The following PPP1R37 variants were observed in gnomAD, a reference collection of about 807,000 sequenced individuals.
The protein encoded by PPP1R37 is protein phosphatase 1 regulatory subunit 37.
PPP1R37 carries 21 observed loss-of-function variants against 61.0 expected under a neutral mutation model. The observed-to-expected ratio is 0.34, with a 90% CI of 0.24 to 0.50. PPP1R37 has a LOEUF of 0.50. Ranked by LOEUF, PPP1R37 falls within the 20% of genes least tolerant of loss-of-function variation. The probability of loss-of-function intolerance (pLI) is 0.98; values close to 1 mark genes in which losing one functional copy is unlikely to be tolerated. For missense variants in PPP1R37, 910 were observed against 952.7 expected (o/e 0.96, Z 0.59); for synonymous variants, 443 against 433.5 (o/e 1.02, Z -0.27).
chr19:45,131,174 C>T (rs1968472245), intron 1 of PPP1R37, among the ~76,000 whole-genome samples: 1 of 152,204 alleles, frequency 6.6e-6, no homozygotes, highest in Non-Finnish European at 1.5e-5. Flanking sequence ...GGGCCACAGC[C>T]GGCGGGAGTG....
At chr19:45,141,645 C>T (rs1173337631) in intron 5 of PPP1R37, among the ~76,000 whole-genome samples, 2 of 152,346 alleles carry the variant, frequency 1.3e-5, no homozygotes, top group Middle Eastern at 3.4e-3. Flanking sequence ...TCTCTCCTTG[C>T]GAGGCATTTC....
At chr19:45,109,323 T>C (rs995628570) in intron 1 of PPP1R37, among the ~76,000 whole-genome samples, 1 of 152,164 alleles carries the variant, frequency 6.6e-6, no homozygotes, top group African/African-American at 2.4e-5. Flanking sequence ...CCCATCTCAG[T>C]GTGAACAGCT....
Position 45,144,973 on chromosome 19 carries a change from C to T in PPP1R37, c.1107C>T (p.Ala369=). ...SNRSVLRLGL[A]STKLTCEGAV... ...GCAGCGTGCTGCGCCTCGGGCTGGC[C>T]TCCACCAAGCTCACGTGCGAGGGTA... Residue 369 remains alanine (A), a synonymous_variant, in exon 9 of 13, where the codon GCC becomes GCT. Coordinates refer to ENST00000221462, the MANE Select transcript of PPP1R37 (RefSeq NM_019121.2). 2 of 1,535,136 alleles carry T rather than the reference C, an allele frequency of 1.3e-6. No individual in the cohort carries two copies. The highest frequency in any genetic ancestry group is 1.7e-6 in the Non-Finnish European group (2 of 1,146,476).
At chr19:45,097,828 C>T (rs767405153) in intron 1 of PPP1R37, among the ~76,000 whole-genome samples, 2 of 152,090 alleles carry the variant, frequency 1.3e-5, no homozygotes, top group Non-Finnish European at 2.9e-5. Flanking sequence ...CAAGGACACT[C>T]AGTTGTTGAA....
intron 1 of PPP1R37, 81 bp from the exon 2 acceptor site, chr19:45,138,433 G>A (rs1968565703): frequency 1.0e-6 from 1 of 969,446 alleles, no homozygotes. Context: ...ATGGGCAGAG[G>A]CCTTAGGGCG....
In PPP1R37 at chr19:45,143,523, C is replaced by T. The variant is rs764518530; in HGVS notation, c.877C>T (p.Leu293=). ...LRNNHVLDSG[L]AYICEGLKEQ... is the part of the protein sequence containing the mutation. The stretch of plus-strand genomic sequence containing the variant: ...CTCTGACTGCCGGCCTCCTCCAGGT[C>T]TGGCCTACATCTGCGAGGGCCTCAA... The change falls in exon 8 of 13, where the codon CTG becomes TTG. Residue 293 remains leucine (L), a splice_region_variant and synonymous_variant. Transcript: ENST00000221462. 9 of 1,531,496 alleles carry T rather than the reference C, an allele frequency of 5.9e-6. No individual in the cohort carries two copies. In the South Asian group the frequency reaches 9.5e-5, roughly 16 times the overall value. The allele number at this position is 1,531,496 out of a possible 1,614,324, so 94.9% of individuals were successfully genotyped here. A position where few individuals can be genotyped will look rare whatever the true frequency, so the allele number is the denominator to read the frequency against.
chr19:45,142,512 C>G lies in PPP1R37; in HGVS notation c.874+54C>G, dbSNP rs1035512601. ...CCCGTCACCCAGCACCCACTCTGCC[C>G]GGCCCTGCGCTAGGTGGTGCTGGGG... On this transcript the variant is annotated intron_variant, in intron 7 of 12. Coordinates refer to ENST00000221462, the MANE Select transcript of PPP1R37 (RefSeq NM_019121.2). The G allele has an allele frequency of 3.3e-6, 5 of 1,494,036 alleles. No homozygotes were observed. The African/African-American group carries it at 6.9e-5, about 21-fold the overall frequency. The allele number at this position is 1,494,036 out of a possible 1,614,324, so 92.5% of individuals were successfully genotyped here. A position where few individuals can be genotyped will look rare whatever the true frequency, so the allele number is the denominator to read the frequency against.
At chr19:45,105,718 A>G (rs967682805) in intron 1 of PPP1R37, among the ~76,000 whole-genome samples, 2 of 152,082 alleles carry the variant, frequency 1.3e-5, no homozygotes, top group African/African-American at 2.4e-5. Context: ...TATGATCACA[A>G]TGAACAGTCA....
At chr19:45,105,114 A>T (rs1238665110) in intron 1 of PPP1R37, among the ~76,000 whole-genome samples, 2 of 152,152 alleles carry the variant, frequency 1.3e-5, no homozygotes, top group African/African-American at 4.8e-5. Context: ...CAGGAGCGCA[A>T]TATGGCAGGT....
intron 1 of PPP1R37, among the ~76,000 whole-genome samples, chr19:45,108,248 C>T (rs1041952653): frequency 1.4e-4 from 22 of 152,236 alleles, no homozygotes; most frequent in Middle Eastern, 3.4e-3. Context: ...CTCGATCTGT[C>T]CCTCAAGCTG....
chr19:45,114,022 C>G (rs757787206), intron 1 of PPP1R37, among the ~76,000 whole-genome samples: 2 of 152,236 alleles, frequency 1.3e-5, no homozygotes, highest in Non-Finnish European at 2.9e-5. Flanking sequence ...TCTGCAATAA[C>G]AGGGGCTTCC....
chr19:45,145,301 G>T (rs1968674494), intron 10 of PPP1R37, 41 bp downstream of exon 10: 4 of 1,521,144 alleles, frequency 2.6e-6, no homozygotes, highest in Non-Finnish European at 2.6e-6. Flanking sequence ...GCGGGCGGAA[G>T]GCCGGGTGGT....
chr19:45,139,963 T>A lies in PPP1R37; in HGVS notation c.301-273T>A, dbSNP rs28445056. On this transcript the variant is annotated intron_variant, in intron 2 of 12. Coordinates refer to ENST00000221462, the MANE Select transcript of PPP1R37 (RefSeq NM_019121.2). ...ACCCAGAGATGCTGGGCCCACTCCC[T>A]CACTCGGTCCCGCTGGGGCAGAGGG... is the stretch of plus-strand genomic sequence containing the variant. 3.9e-3 allele frequency among the ~76,000 whole-genome samples: 590 copies of A among 152,354 alleles called. 2 individuals carry two copies. The highest frequency in any genetic ancestry group is 0.014 in the African/African-American group (571 of 41,590).
intron 1 of PPP1R37, among the ~76,000 whole-genome samples, chr19:45,123,725 G>A (rs75737567): frequency 0.022 from 3,365 of 152,314 alleles, 143 homozygotes; most frequent in African/African-American, 0.076. Context: ...AGAGCTGCTC[G>A]CACCATTCTG....
At chr19:45,128,438 T>C in intron 1 of PPP1R37, 1 of 525,840 alleles carries the variant, frequency 1.9e-6, no homozygotes, top group East Asian at 4.0e-5. Context: ...TGCAGCTGTG[T>C]GTGTTTAAAG....
rs1357055557 is a variant in PPP1R37, at chr19:45,093,384, A to G, written c.59A>G (p.Glu20Gly). 3.3e-6 allele frequency: 5 copies of G among 1,524,278 alleles called. No homozygotes were observed. The highest frequency in any genetic ancestry group is 1.7e-4 in the Middle Eastern group (1 of 5,942). 94.4% of individuals were successfully genotyped at this position (1,524,278 alleles called of 1,614,324 possible). A position where few individuals can be genotyped will look rare whatever the true frequency, so the allele number is the denominator to read the frequency against. ...CCGGGCGCGGACGGCGACATTGAAG[A>G]GGCCCCAGCTGAGGCCGGGTCTCCC... ...PVPGADGDIE[E>G]APAEAGSPSP... Residue 20 changes from glutamate to glycine, a missense_variant, in exon 1 of 13, where the codon GAG becomes GGG. Physicochemically the swap from Glu to Gly is moderately conservative, Grantham distance 98. Around this residue, in one of 3 missense-constraint regions of PPP1R37, gnomAD observed 81 missense variants for 65.4 expected, o/e 1.24. Transcript: ENST00000221462.
chr19:45,145,128 C>A lies in PPP1R37; in HGVS notation c.1164C>A (p.Ser388Arg), dbSNP rs1365748287. Residue 388 changes from serine to arginine, a missense_variant, in exon 10 of 13, where the codon AGC (serine) becomes AGA (arginine). Physicochemically the swap from Ser to Arg is moderately radical, Grantham distance 110. Around this residue, in one of 3 missense-constraint regions of PPP1R37, gnomAD observed 549 missense variants for 505.1 expected, o/e 1.09. Transcript: ENST00000221462. ...CGGTGGCGGAGTTCATCGCTGAGAG[C>A]CCCCGCCTCCTGAGACTGGACCTTC... is the stretch of plus-strand genomic sequence containing the variant. ...AVAVAEFIAE[S>R]PRLLRLDLRE... The A allele has an allele frequency of 6.5e-7, 1 of 1,534,320 alleles. No homozygotes were observed. The highest frequency in any genetic ancestry group is 1.4e-5 in the African/African-American group (1 of 72,828).
At chr19:45,107,509 T>C (rs1056090008) in intron 1 of PPP1R37, among the ~76,000 whole-genome samples, 1 of 152,136 alleles carries the variant, frequency 6.6e-6, no homozygotes, top group Non-Finnish European at 1.5e-5. Context: ...GAGGCTAATG[T>C]GGGAGGATTG....
intron 1 of PPP1R37, among the ~76,000 whole-genome samples, chr19:45,118,868 C>G (rs374280820): frequency 6.6e-6 from 1 of 152,156 alleles, no homozygotes; most frequent in Non-Finnish European, 1.5e-5. Context: ...CTAATTCTGT[C>G]GTGAGAGACT....
Sources: allele counts gnomAD v4.1 joint callset (sites outside exome capture counted in the v4.1 genomes callset), GRCh38; gene constraint gnomAD v4.1.1; regional missense constraint gnomAD v4.1.1; transcripts MANE v1.5; gene names NCBI Gene and HGNC (gene_info 2026-07-23, HGNC 2026-07-21).